Variants in ITM2B observed in about 807,000 individuals in gnomAD.
The protein encoded by ITM2B is ABri/ADan amyloid peptide.
A neutral mutation model predicts 27.8 loss-of-function variants in ITM2B; 11 were observed. The ratio of observed to expected loss-of-function variants is 0.40; its 90% CI spans 0.25 to 0.66. ITM2B has a LOEUF of 0.66. ITM2B is among the 30% of genes least tolerant of loss of function. The pLI, the probability that ITM2B is intolerant of heterozygous loss-of-function variation, is 0.43. For synonymous variants in ITM2B, 114 were observed against 114.3 expected (o/e 1.00, Z 0.02); for missense variants, 296 against 328.9 (o/e 0.90, Z 0.77).
chr13:48,235,757 T>C (rs572945610), intron 1 of ITM2B, among the ~76,000 whole-genome samples: 3 of 152,252 alleles, frequency 2.0e-5, no homozygotes, highest in Non-Finnish European at 4.4e-5. Context: ...TTTGCCTGGT[T>C]GGTTGAAAGA....
intron 1 of ITM2B, among the ~76,000 whole-genome samples, chr13:48,245,858 A>C (rs1951721858): frequency 6.6e-6 from 1 of 150,956 alleles, no homozygotes; most frequent in African/African-American, 2.4e-5. Flanking sequence ...TGCTCACTGC[A>C]AGCTCTGTCT....
At chr13:48,244,236 A>G (rs1951713991) in intron 1 of ITM2B, among the ~76,000 whole-genome samples, 1 of 152,248 alleles carries the variant, frequency 6.6e-6, no homozygotes, top group Non-Finnish European at 1.5e-5. Flanking sequence ...TTGTGTAGCT[A>G]GGGAAGACCA....
At chr13:48,246,422 G>T (rs139487484) in intron 1 of ITM2B, among the ~76,000 whole-genome samples, 1 of 152,300 alleles carries the variant, frequency 6.6e-6, no homozygotes, top group Non-Finnish European at 1.5e-5. Context: ...TGATTTAAGT[G>T]AATAAGAAAA....
chr13:48,239,449 A>G (rs1951687135), intron 1 of ITM2B, among the ~76,000 whole-genome samples: 1 of 152,232 alleles, frequency 6.6e-6, no homozygotes, highest in Admixed American at 6.5e-5. Flanking sequence ...AGCCTGGCCA[A>G]CATAGCAAAA....
At chr13:48,236,695 A>G (rs912106563) in intron 1 of ITM2B, among the ~76,000 whole-genome samples, 2 of 152,200 alleles carry the variant, frequency 1.3e-5, no homozygotes, top group African/African-American at 4.8e-5. Context: ...GTATTATGTA[A>G]TAAAGCACAT....
In ITM2B at chr13:48,270,087, C is replaced by T. The variant is rs1388446071; in HGVS notation, c.*8863C>T. 2.0e-5 allele frequency: 3 copies of T among 152,192 alleles called. No homozygotes were observed. Among genetic ancestry groups the T allele is most frequent in the Admixed American group, 6.5e-5 (1 of 15,284 alleles). 9.4% of individuals were successfully genotyped at this position (152,192 alleles called of 1,614,324 possible). The stretch of plus-strand genomic sequence containing the variant: ...AAGCACAGAACCGTGGGCACTGCTT[C>T]CCTTCCTTTAACCCTATCATATTGC... On this transcript the variant is annotated 3_prime_UTR_variant, in exon 6 of 6. Coordinates refer to ENST00000647800, the MANE Select transcript of ITM2B (RefSeq NM_021999.5).
At chr13:48,250,543 A>G (rs960927359) in intron 1 of ITM2B, among the ~76,000 whole-genome samples, 2 of 151,948 alleles carry the variant, frequency 1.3e-5, no homozygotes, top group African/African-American at 2.4e-5. Context: ...GTGTGAACCC[A>G]GGAGGTGGAG....
rs1347863666 is a variant in ITM2B at position 48,253,906 on chromosome 13, A to G, written c.216A>G (p.Gly72=). 1.9e-6 allele frequency: 3 copies of G among 1,613,244 alleles called. No homozygotes were observed. Among genetic ancestry groups the G allele is most frequent in the Non-Finnish European group, 2.5e-6 (3 of 1,179,832 alleles). ...AFMLAGVILG[G]AYLYKYFALQ... ...TGCTTGCAGGTGTTATTCTAGGAGG[A>G]GCATACTTGTACAAATATTTTGCAC... The change falls in exon 2 of 6, where the codon GGA becomes GGG. Residue 72 remains glycine, a synonymous_variant. Transcript: ENST00000647800.
intron 1 of ITM2B, among the ~76,000 whole-genome samples, chr13:48,237,783 G>T (rs116760164): frequency 2.6e-5 from 4 of 151,954 alleles, no homozygotes; most frequent in East Asian, 1.9e-4. Context: ...AATGTCTGGC[G>T]TGTCTATTCA....
chr13:48,259,096 T>C (rs1696643427), intron 5 of ITM2B, 149 bp downstream of exon 5: 3 of 621,964 alleles, frequency 4.8e-6, no homozygotes, highest in Non-Finnish European at 8.3e-6. Context: ...TTCTATAGAA[T>C]TATCTTAATT....
chr13:48,250,822 G>A (rs117183357), intron 1 of ITM2B, among the ~76,000 whole-genome samples: 5,603 of 152,240 alleles, frequency 0.037, 142 homozygotes, highest in Middle Eastern at 0.075. Flanking sequence ...GGAATTTAGA[G>A]AACAAAGATT....
At chr13:48,234,816 A>C (rs559104557) in intron 1 of ITM2B, among the ~76,000 whole-genome samples, 1 of 152,290 alleles carries the variant, frequency 6.6e-6, no homozygotes, top group East Asian at 1.9e-4. Flanking sequence ...TGGTTTTCGT[A>C]TTGGTATTGT....
intron 2 of ITM2B, among the ~76,000 whole-genome samples, chr13:48,255,707 C>T (rs1442559579): frequency 3.9e-5 from 6 of 152,126 alleles, no homozygotes; most frequent in East Asian, 1.9e-4. Context: ...AGTAGAACTA[C>T]GTATATGCAT....
At chr13:48,242,214 TTTAC>T (rs1276927016) in intron 1 of ITM2B, among the ~76,000 whole-genome samples, 2 of 152,136 alleles carry the variant, frequency 1.3e-5, no homozygotes, top group Admixed American at 1.3e-4. Flanking sequence ...ATACTTTTAT[TTTAC>T]TTCCATTCTT....
chr13:48,255,265 G>GT (rs1431501717), intron 2 of ITM2B, among the ~76,000 whole-genome samples: 60 of 151,774 alleles, frequency 4.0e-4, no homozygotes, highest in African/African-American at 1.4e-3. Context: ...GCGCGCGCGT[G>GT]TGCGTGCGCG....
rs1951822481 is a variant in ITM2B at position 48,261,453 on chromosome 13, A to ATAG, written c.*232_*234dup. 4.7e-6 allele frequency: 2 copies of ATAG among 422,778 alleles called. No homozygotes were observed. The highest frequency in any genetic ancestry group is 8.5e-6 in the Non-Finnish European group (2 of 235,488). 26.2% of individuals were successfully genotyped at this position (422,778 alleles called of 1,614,324 possible). On this transcript the variant is annotated 3_prime_UTR_variant, in exon 6 of 6. Coordinates refer to ENST00000647800, the MANE Select transcript of ITM2B (RefSeq NM_021999.5). Reference sequence around the variant, plus strand: ...TAGTAACTGTATGAAGTCATAGATAATAGTACATGTCACCTTAGGTAGTAG... The same window carrying ATAG: ...TAGTAACTGTATGAAGTCATAGATAATAGTAGTACATGTCACCTTAGGTAGTAG...
At chr13:48,238,593 C>A (rs1223200547) in intron 1 of ITM2B, among the ~76,000 whole-genome samples, 1 of 152,094 alleles carries the variant, frequency 6.6e-6, no homozygotes, top group African/African-American at 2.4e-5. Flanking sequence ...ATAAGTACGA[C>A]AAAAGAGAAA....
chr13:48,265,450 C>G lies in ITM2B; in HGVS notation c.*4226C>G, dbSNP rs975934113. ...CACCTCCTAGCAGCTTCCTGCTGTTCTGCTCTAGTGGTTCTCTCTGCTTCC... is the reference window on the plus strand; with the variant it reads ...CACCTCCTAGCAGCTTCCTGCTGTTGTGCTCTAGTGGTTCTCTCTGCTTCC... On this transcript the variant is annotated 3_prime_UTR_variant, in exon 6 of 6. Coordinates refer to ENST00000647800, the MANE Select transcript of ITM2B (RefSeq NM_021999.5). The G allele has an allele frequency of 6.6e-6, 1 of 152,296 alleles. No homozygotes were observed. Among genetic ancestry groups the G allele is most frequent in the Non-Finnish European group, 1.5e-5 (1 of 68,108 alleles). The allele number at this position is 152,296 out of a possible 1,614,324, so 9.4% of individuals were successfully genotyped here. A position where few individuals can be genotyped will look rare whatever the true frequency, so the allele number is the denominator to read the frequency against.
intron 3 of ITM2B, among the ~76,000 whole-genome samples, 194 bp from the exon 4 acceptor site, chr13:48,257,932 C>A (rs945186220): frequency 1.3e-5 from 2 of 152,090 alleles, no homozygotes; most frequent in African/African-American, 4.8e-5. Context: ...ATTTTATTTA[C>A]TGGTAGCAAT....
Sources: gnomAD v4.1 joint callset for allele counts (sites outside exome capture counted in the v4.1 genomes callset) on GRCh38, gnomAD v4.1.1 for gene constraint, MANE v1.5 for transcripts, NCBI Gene and HGNC (gene_info 2026-07-23, HGNC 2026-07-21) for gene names.